The following RNASET2 variants were observed in gnomAD, a reference collection of about 807,000 sequenced individuals.
RNASET2 encodes the protein ribonuclease 6.
In RNASET2, 28 loss-of-function variants were observed where a neutral mutation model predicts 33.9. That is an observed-to-expected ratio of 0.83 (90% CI 0.61 to 1.13). The LOEUF (loss-of-function observed/expected upper bound fraction) is 1.13. Ranked by LOEUF, RNASET2 falls within the 50% of genes most tolerant of loss-of-function variation. The pLI is 0.00. For synonymous variants in RNASET2, 123 were observed against 121.0 expected (o/e 1.02, Z -0.11); for missense variants, 330 against 319.9 (o/e 1.03, Z -0.24).
chr6:166,942,891 A>G, intron 5 of RNASET2, 128 bp downstream of exon 5: 1 of 765,804 alleles, frequency 1.3e-6, no homozygotes, highest in South Asian at 1.5e-5. Flanking sequence ...GGTTGTTCAA[A>G]CTGCTCAGCC....
rs1778247838 is a variant in RNASET2 at position 166,922,298 on chromosome 6, G to A, written c.*7290C>T. ...AAAAAGCGCGGTGATCTGAGTTATA[G>A]TAAAGCCTGTTTCGTTGGTGTTTGC... On this transcript the variant is annotated 3_prime_UTR_variant, in exon 9 of 9. Transcript: ENST00000508775. 6.6e-6 allele frequency among the ~76,000 whole-genome samples: 1 copy of A among 152,200 alleles called. No individual in the cohort carries two copies. Among genetic ancestry groups the A allele is most frequent in the Admixed American group, 6.5e-5 (1 of 15,282 alleles).
chr6:166,934,863 C>T (rs767277387), intron 6 of RNASET2: 8 of 152,264 alleles, frequency 5.3e-5, no homozygotes, highest in Non-Finnish European at 1.2e-4. Flanking sequence ...AGCTTTCAAT[C>T]ACCTCCTAAA....
intron 3 of RNASET2, 147 bp downstream of exon 3, chr6:166,948,423 A>C: frequency 1.4e-6 from 1 of 715,862 alleles, no homozygotes. Flanking sequence ...TGCTAGAAAG[A>C]CTAAAGATAT....
intron 1 of RNASET2, 147 bp downstream of exon 1, chr6:166,955,950 C>T: frequency 9.2e-7 from 1 of 1,083,990 alleles, no homozygotes; most frequent in East Asian, 2.6e-5. Context: ...CAGGGGTCAC[C>T]CCGGAGCGTG....
chr6:166,930,778 C>T (rs925108064), intron 8 of RNASET2, among the ~76,000 whole-genome samples: 2 of 149,314 alleles, frequency 1.3e-5, no homozygotes, highest in Non-Finnish European at 3.0e-5. Flanking sequence ...CACACACATG[C>T]ACACATAGCA....
At chr6:166,942,549 A>C (rs1778716497) in intron 5 of RNASET2, among the ~76,000 whole-genome samples, 1 of 152,140 alleles carries the variant, frequency 6.6e-6, no homozygotes, top group African/African-American at 2.4e-5. Flanking sequence ...CCAGCTGATC[A>C]CAGCTCATTG....
intron 4 of RNASET2, among the ~76,000 whole-genome samples, chr6:166,946,311 T>C (rs1778841268): frequency 6.6e-6 from 1 of 152,182 alleles, no homozygotes; most frequent in Admixed American, 6.5e-5. Context: ...ACCGACCAGA[T>C]TCCCACGTCG....
At chr6:166,950,601 A>C (rs754529772) in intron 2 of RNASET2, among the ~76,000 whole-genome samples, 1 of 152,236 alleles carries the variant, frequency 6.6e-6, no homozygotes. Flanking sequence ...AGAAGTGTGC[A>C]ATGCACACCA....
chr6:166,952,580 A>G (rs1331886695), intron 1 of RNASET2, 32 bp from the exon 2 acceptor site: 2 of 1,571,224 alleles, frequency 1.3e-6, no homozygotes, highest in African/African-American at 2.7e-5. Context: ...ATTTTTCAAG[A>G]ACTTTTTTTA....
chr6:166,938,962 C>T lies in RNASET2; in HGVS notation c.379G>A (p.Ala127Thr), dbSNP rs1778634396. ...KHGTCAAQVD[A>T]LNSQKKYFGR... ...AAGTACTTCTTCTGGGAGTTGAGCG[C>T]ATCCACCTGGGCGGCGCAGGTCCCA... Residue 127 changes from alanine to threonine, a missense_variant, in exon 6 of 9, where the codon GCG becomes ACG. Coordinates refer to ENST00000508775, the MANE Select transcript of RNASET2 (RefSeq NM_003730.6). The T allele has an allele frequency of 6.2e-7, 1 of 1,613,670 alleles. No individual in the cohort carries two copies. Among genetic ancestry groups the T allele is most frequent in the African/African-American group, 1.3e-5 (1 of 74,936 alleles).
At chr6:166,952,374 G>A (rs13214856) in intron 2 of RNASET2, 114 bp downstream of exon 2, 119,556 of 920,622 alleles carry the variant, frequency 0.13, 10,572 homozygotes, top group African/African-American at 0.39. Flanking sequence ...ACCCGCCAGA[G>A]CGATGCCTAC....
In RNASET2 at chr6:166,956,170, C is replaced by G. The variant is rs778738197; in HGVS notation, c.13G>C (p.Ala5Pro). 1 of 1,549,552 alleles carries G rather than the reference C, an allele frequency of 6.5e-7. No homozygotes were observed. The highest frequency in any genetic ancestry group is 1.4e-5 in the African/African-American group (1 of 72,978). ...CAGCCCAGCAGGGCCCCGCGCAGGGCTGCAGGGCGCATGGTGCCGACCTGC... is the reference window on the plus strand; with the variant it reads ...CAGCCCAGCAGGGCCCCGCGCAGGGGTGCAGGGCGCATGGTGCCGACCTGC... Reference protein sequence around the residue: MRPAALRGALLGCLC... With the variant: MRPAPLRGALLGCLC... The change falls in exon 1 of 9, where the codon GCC (alanine) becomes CCC (proline). Residue 5 changes from alanine (A) to proline (P), a missense_variant. Coordinates refer to ENST00000508775, the MANE Select transcript of RNASET2 (RefSeq NM_003730.6).
In RNASET2 at chr6:166,947,796, C is replaced by G. The variant is rs546233953; in HGVS notation, c.203+774G>C. ...CCGGCATCGAGGCAGTGGGACAAAA[C>G]GGGTCCTTCAGATGGGGCGATTAAT... On this transcript the variant is annotated intron_variant, in intron 3 of 8. Coordinates refer to ENST00000508775, the MANE Select transcript of RNASET2 (RefSeq NM_003730.6). Among the ~76,000 whole-genome samples, 3 of 152,276 alleles carry G rather than the reference C, an allele frequency of 2.0e-5. No homozygotes were observed. The South Asian group carries it at 6.2e-4, about 32-fold the overall frequency.
chr6:166,944,726 C>T (rs1406356792), intron 4 of RNASET2, among the ~76,000 whole-genome samples: 1 of 151,910 alleles, frequency 6.6e-6, no homozygotes, highest in African/African-American at 2.4e-5. Context: ...CCTGGACCCC[C>T]CGGGGATATG....
chr6:166,955,249 GCACACA>G (rs1313019233), intron 1 of RNASET2, among the ~76,000 whole-genome samples: 35 of 92,974 alleles, frequency 3.8e-4, no homozygotes, highest in African/African-American at 1.5e-3. Context: ...GCACACACAC[GCACACA>G]CGCACACACA....
Position 166,922,555 on chromosome 6 carries a change from G to A in RNASET2, c.*7033C>T, listed in dbSNP as rs1200394467. ...CTCTTCCCATGGCTGAGTCTATTCT[G>A]CTCTAAAACATTCAGAGAAAAACCA... On this transcript the variant is annotated 3_prime_UTR_variant, in exon 9 of 9. Coordinates refer to ENST00000508775, the MANE Select transcript of RNASET2 (RefSeq NM_003730.6). Among the ~76,000 whole-genome samples, 1 of 152,154 alleles carries A rather than the reference G, an allele frequency of 6.6e-6. No individual in the cohort carries two copies.
At chr6:166,942,687 C>G (rs1354383065) in intron 5 of RNASET2, among the ~76,000 whole-genome samples, 3 of 152,118 alleles carry the variant, frequency 2.0e-5, no homozygotes, top group African/African-American at 7.2e-5. Flanking sequence ...AGCAATCCAC[C>G]CGCCTCAGCC....
At chr6:166,947,040 CT>C (rs2128646430) in intron 3 of RNASET2, among the ~76,000 whole-genome samples, 1 of 152,196 alleles carries the variant, frequency 6.6e-6, no homozygotes, top group Admixed American at 6.5e-5. Flanking sequence ...GGAGCGGGGA[CT>C]CTGGGGTCAG....
chr6:166,929,062 C>A lies in RNASET2; in HGVS notation c.*526G>T, dbSNP rs1300667061. On this transcript the variant is annotated 3_prime_UTR_variant, in exon 9 of 9. Transcript: ENST00000508775. ...GTTCTAGGACACACCTGTGACCACA[C>A]CAGGCCTCCAACAACGGAGCAGCTG... Among the ~76,000 whole-genome samples the A allele has an allele frequency of 6.6e-6, 1 of 152,242 alleles. No individual in the cohort carries two copies. The highest frequency in any genetic ancestry group is 2.4e-5 in the African/African-American group (1 of 41,470).
Sources: gnomAD v4.1 joint callset for allele counts (sites outside exome capture counted in the v4.1 genomes callset) on GRCh38, gnomAD v4.1.1 for gene constraint, MANE v1.5 for transcripts, NCBI Gene and HGNC (gene_info 2026-07-23, HGNC 2026-07-21) for gene names.